Variants in KCNQ2 observed in about 807,000 individuals in gnomAD.
KCNQ2 encodes potassium voltage-gated channel subfamily Q member 2, also known as potassium voltage-gated channel subfamily KQT member 2.
In KCNQ2, 14 loss-of-function variants were observed where a neutral mutation model predicts 84.8. That is an observed-to-expected ratio of 0.17 (90% CI 0.11 to 0.26). KCNQ2 has a LOEUF of 0.26. Among genes scored for constraint, KCNQ2 ranks in the 10% least tolerant of loss-of-function variants. The pLI, the probability that KCNQ2 is intolerant of heterozygous loss-of-function variation, is 1.00. For missense variants in KCNQ2, 788 were observed against 1,254.0 expected, an observed-to-expected ratio of 0.63 and a Z score of 5.61; for synonymous variants, 599 against 554.1, an observed-to-expected ratio of 1.08 and a Z score of -1.14.
At chr20:63,454,788 C>T (rs1478739735) in intron 1 of KCNQ2, among the ~76,000 whole-genome samples, 1 of 152,222 alleles carries the variant, frequency 6.6e-6, no homozygotes, top group Non-Finnish European at 1.5e-5. Context: ...AGAGGAGGCT[C>T]CCCGGGAACA....
intron 12 of KCNQ2, among the ~76,000 whole-genome samples, chr20:63,416,177 T>C (rs1230270286): frequency 6.6e-6 from 1 of 150,464 alleles, no homozygotes; most frequent in African/African-American, 2.4e-5. Context: ...GGAGGCAGCC[T>C]CCAAAGCCAC....
intron 9 of KCNQ2, among the ~76,000 whole-genome samples, chr20:63,428,728 T>C (rs1407683250): frequency 6.6e-6 from 1 of 152,088 alleles, no homozygotes; most frequent in Non-Finnish European, 1.5e-5. Context: ...GCCCCGACCC[T>C]GCAGCCTGGA....
At chr20:63,454,053 G>A (rs1302765538) in intron 1 of KCNQ2, among the ~76,000 whole-genome samples, 1 of 152,214 alleles carries the variant, frequency 6.6e-6, no homozygotes, top group African/African-American at 2.4e-5. Flanking sequence ...GCATCTCAGA[G>A]CATTCCAGAA....
Position 63,446,966 on chromosome 20 carries a change from C to A in KCNQ2, c.297-129G>T. The stretch of plus-strand genomic sequence containing the variant: ...CACCAGCATGGCCGCGTCTCCAGAA[C>A]GCAGGACCCCACTCCCCACCCACCC... On this transcript the variant is annotated intron_variant, in intron 1 of 16. Coordinates refer to ENST00000359125, the MANE Select transcript of KCNQ2 (RefSeq NM_172107.4). This position sits in a 1 kb window ranked among gnomAD's most constrained non-coding sequence, Gnocchi z 5.5. The A allele has an allele frequency of 1.2e-6, 1 of 814,656 alleles. No homozygotes were observed. Among genetic ancestry groups the A allele is most frequent in the Non-Finnish European group, 2.1e-6 (1 of 478,322 alleles). The allele number at this position is 814,656 out of a possible 1,614,324, so 50.5% of individuals were successfully genotyped here. A position where few individuals can be genotyped will look rare whatever the true frequency, so the allele number is the denominator to read the frequency against.
intron 1 of KCNQ2, among the ~76,000 whole-genome samples, chr20:63,463,185 C>A (rs1198226783): frequency 6.6e-6 from 1 of 151,996 alleles, no homozygotes; most frequent in Non-Finnish European, 1.5e-5. Context: ...TCGCTCAGGC[C>A]CAGGAGTTCT....
intron 12 of KCNQ2, among the ~76,000 whole-genome samples, chr20:63,416,421 A>T (rs945948229): frequency 2.0e-5 from 3 of 152,188 alleles, no homozygotes; most frequent in African/African-American, 4.8e-5. Context: ...GACGCCAGGC[A>T]GATGTGGCCT....
At chr20:63,445,745 G>GCCCTGTCTGAGCTGGGGGA (rs1568942872) in intron 2 of KCNQ2, among the ~76,000 whole-genome samples, 18 of 17,742 alleles carry the variant, frequency 1.0e-3, no homozygotes, top group Admixed American at 1.7e-3. Flanking sequence ...GAGCTGGGAG[G>GCCCTGTCTGAGCTGGGGGA]CCCTGTCTGA....
intron 1 of KCNQ2, chr20:63,449,235 C>T (rs1032089515): frequency 2.6e-5 from 4 of 152,276 alleles, no homozygotes; most frequent in African/African-American, 9.7e-5. Context: ...CCTTGGACTT[C>T]CAGGTTATGT....
Position 63,449,869 on chromosome 20 carries a change from C to T in KCNQ2, c.297-3032G>A, listed in dbSNP as rs530342415. 3.9e-5 allele frequency among the ~76,000 whole-genome samples: 6 copies of T among 152,214 alleles called. No individual in the cohort carries two copies. In the South Asian group the frequency reaches 8.3e-4, roughly 21 times the overall value. ...CACCCCAGGCTCAGGCTCTGAGCCC[C>T]CAAACCAGGACCAGCCCACTGGGTG... On this transcript the variant is annotated intron_variant, in intron 1 of 16. Transcript: ENST00000359125.
chr20:63,424,732 C>T (rs2080576238), intron 10 of KCNQ2, among the ~76,000 whole-genome samples: 1 of 152,238 alleles, frequency 6.6e-6, no homozygotes, highest in Non-Finnish European at 1.5e-5. Flanking sequence ...GACCAACTGT[C>T]CCGGCCTCGT....
intron 1 of KCNQ2, among the ~76,000 whole-genome samples, chr20:63,451,262 G>A (rs981609787): frequency 6.6e-6 from 1 of 152,104 alleles, no homozygotes; most frequent in Non-Finnish European, 1.5e-5. Flanking sequence ...CACCGCCGCT[G>A]TCTCACAGTC....
Position 63,407,251 on chromosome 20 carries a change from T to G in KCNQ2, c.2012A>C (p.His671Pro). 6.2e-7 allele frequency: 1 copy of G among 1,600,672 alleles called. No individual in the cohort carries two copies. The highest frequency in any genetic ancestry group is 8.5e-7 in the Non-Finnish European group (1 of 1,178,838). Residue 671 changes from histidine to proline, a missense_variant, in exon 17 of 17, where the codon CAC becomes CCC. By Grantham distance (77) the His-to-Pro change is moderately conservative. This residue lies in a region of KCNQ2 where 378 missense variants were observed against 434.5 expected (regional missense o/e 0.87). Transcript: ENST00000359125. The surrounding 1 kb of genome is among the most constrained non-coding windows in gnomAD (Gnocchi z 7.2). ...AKEPEPAPPY[H>P]SPEDSREHVD... ...ATGCTCCCGGCTGTCTTCCGGGCTG[T>G]GGTACGGCGGCGCCGGCTCCGGCTC... is the stretch of plus-strand genomic sequence containing the variant.
intron 9 of KCNQ2, 25 bp downstream of exon 9, chr20:63,431,315 G>T (rs1213032527): frequency 1.2e-6 from 2 of 1,613,212 alleles, no homozygotes; most frequent in African/African-American, 2.7e-5. Context: ...CACACACACA[G>T]GGCTTCTGTC....
intron 15 of KCNQ2, among the ~76,000 whole-genome samples, chr20:63,409,299 G>A (rs1410713778): frequency 6.6e-6 from 1 of 152,230 alleles, no homozygotes. Context: ...GTGTGCAAGA[G>A]TGTGCACGTT....
At chr20:63,464,121 G>A (rs971387790) in intron 1 of KCNQ2, among the ~76,000 whole-genome samples, 3 of 152,216 alleles carry the variant, frequency 2.0e-5, no homozygotes, top group African/African-American at 2.4e-5. Context: ...TCCAGAGCAC[G>A]TCTGGAAAAC....
intron 10 of KCNQ2, 37 bp downstream of exon 10, chr20:63,428,330 G>A (rs1034899444): frequency 2.0e-6 from 3 of 1,512,768 alleles, no homozygotes; most frequent in Admixed American, 2.0e-5. Flanking sequence ...GGAGGACTGA[G>A]ACGCCCACCC....
At position 63,451,240 on chromosome 20, in the gene KCNQ2, G is replaced by GGCCTCTGTCTTCACC. The variant is rs545831239; in HGVS notation, c.297-4418_297-4404dup. On this transcript the variant is annotated intron_variant, in intron 1 of 16. Transcript: ENST00000359125. ...TCCTCCGTGCTCAGTTCTCCCTGGA[G>GGCCTCTGTCTTCACC]GCCTCTGTCTTCACCGCCGCTGTCT... Among the ~76,000 whole-genome samples the GGCCTCTGTCTTCACC allele has an allele frequency of 3.4e-4, 51 of 152,182 alleles. No homozygotes were observed. In the East Asian group the frequency reaches 9.5e-3, roughly 28 times the overall value.
rs1601538111 is a variant in KCNQ2, at chr20:63,405,546, C to G, written c.*1098G>C. ...GTGGGAGTGGTTTCCTCCGGAAAGGCGGGGAGGGCGGCCCTGTGCTGACGG... is the reference window on the plus strand; with the variant it reads ...GTGGGAGTGGTTTCCTCCGGAAAGGGGGGGAGGGCGGCCCTGTGCTGACGG... On this transcript the variant is annotated 3_prime_UTR_variant, in exon 17 of 17. Coordinates refer to ENST00000359125, the MANE Select transcript of KCNQ2 (RefSeq NM_172107.4). 1 of 152,476 alleles carries G rather than the reference C, an allele frequency of 6.6e-6. No individual in the cohort carries two copies. The highest frequency in any genetic ancestry group is 2.4e-5 in the African/African-American group (1 of 41,446). The allele number at this position is 152,476 out of a possible 1,614,324, so 9.4% of individuals were successfully genotyped here.
At chr20:63,431,661 A>G (rs952515637) in intron 8 of KCNQ2, among the ~76,000 whole-genome samples, 1 of 152,102 alleles carries the variant, frequency 6.6e-6, no homozygotes, top group African/African-American at 2.4e-5. Context: ...GGCAGACCCC[A>G]GAGGGCGACT....
Sources: gnomAD v4.1 joint callset for allele counts (sites outside exome capture counted in the v4.1 genomes callset) on GRCh38, gnomAD v4.1.1 for gene constraint, gnomAD v4.1.1 regional missense constraint, Gnocchi (gnomAD v3.1) non-coding constraint, MANE v1.5 for transcripts, NCBI Gene and HGNC (gene_info 2026-07-23, HGNC 2026-07-21) for gene names.